Variants in LRRC7 observed in about 807,000 individuals in gnomAD.
The protein encoded by LRRC7 is leucine rich repeat containing 7, also known as leucine-rich repeat-containing protein 7.
In LRRC7, 23 loss-of-function variants were observed where a neutral mutation model predicts 175.7. The observed-to-expected ratio is 0.13, with a 90% CI of 0.09 to 0.19. The LOEUF (loss-of-function observed/expected upper bound fraction) is 0.19. LRRC7 is among the 10% of genes least tolerant of loss of function. LRRC7 has a pLI of 1.00. For missense variants in LRRC7, 1,354 were observed against 1,904.7 expected, an observed-to-expected ratio of 0.71 and a Z score of 5.38; for synonymous variants, 685 against 680.9, an observed-to-expected ratio of 1.01 and a Z score of -0.09.
intron 3 of LRRC7, among the ~76,000 whole-genome samples, chr1:69,790,057 G>A (rs944499586): frequency 1.5e-4 from 23 of 152,116 alleles, no homozygotes; most frequent in African/African-American, 4.1e-4. Flanking sequence ...ACTGCAGGGT[G>A]CATTCCAAAT....
intron 2 of LRRC7, among the ~76,000 whole-genome samples, chr1:69,745,257 A>G (rs1490061189): frequency 6.6e-6 from 1 of 151,990 alleles, no homozygotes; most frequent in Non-Finnish European, 1.5e-5. Flanking sequence ...AATCAAAGGC[A>G]TAACAAATAA....
chr1:70,124,790 G>T lies in LRRC7; in HGVS notation c.*2903G>T, dbSNP rs558193859. Among the ~76,000 whole-genome samples, 1 of 151,364 alleles carries T rather than the reference G, an allele frequency of 6.6e-6. No homozygotes were observed. The highest frequency in any genetic ancestry group is 1.5e-5 in the Non-Finnish European group (1 of 67,840). Reference sequence around the variant, plus strand: ...AAAGAAAAATCAATAACAACAAAAAGAACTGGAATTCATGATGGCTCCAGT... The same window carrying T: ...AAAGAAAAATCAATAACAACAAAAATAACTGGAATTCATGATGGCTCCAGT... On this transcript the variant is annotated 3_prime_UTR_variant, in exon 27 of 27. Transcript: ENST00000651989.
chr1:69,683,488 A>T (rs958428775), intron 2 of LRRC7, among the ~76,000 whole-genome samples: 5 of 152,016 alleles, frequency 3.3e-5, no homozygotes, highest in Admixed American at 2.0e-4. Context: ...GCCTCATCTC[A>T]TACTCTATTC....
chr1:69,746,186 T>A (rs1375051456), intron 2 of LRRC7, among the ~76,000 whole-genome samples: 1 of 152,030 alleles, frequency 6.6e-6, no homozygotes, highest in African/African-American at 2.4e-5. Context: ...TAAAGTGCTC[T>A]CTCTTTTCCA....
intron 2 of LRRC7, among the ~76,000 whole-genome samples, chr1:69,715,155 A>G (rs1665204291): frequency 1.3e-5 from 2 of 152,052 alleles, no homozygotes; most frequent in South Asian, 2.1e-4. Flanking sequence ...TTAAATTTTT[A>G]ATAGAACCAT....
intron 8 of LRRC7, among the ~76,000 whole-genome samples, chr1:69,946,803 C>T (rs530804474): frequency 8.5e-5 from 13 of 152,064 alleles, no homozygotes; most frequent in Admixed American, 6.5e-4. Flanking sequence ...GTAGGCCAGG[C>T]GCAGTGGCTC....
At chr1:69,819,441 T>TA (rs1678978787) in intron 4 of LRRC7, among the ~76,000 whole-genome samples, 1 of 152,140 alleles carries the variant, frequency 6.6e-6, no homozygotes, top group Admixed American at 6.6e-5. Flanking sequence ...TGATATTATT[T>TA]CAGTCTTTGT....
At chr1:70,012,028 G>C in intron 12 of LRRC7, 102 bp downstream of exon 12, 1 of 721,198 alleles carries the variant, frequency 1.4e-6, no homozygotes. Flanking sequence ...GAGTTGAGCT[G>C]TGAATATATA....
intron 1 of LRRC7, among the ~76,000 whole-genome samples, chr1:69,678,173 A>G (rs1257252341): frequency 6.6e-6 from 1 of 151,766 alleles, no homozygotes; most frequent in African/African-American, 2.4e-5. Context: ...GGTGTTTTTA[A>G]TTTTTTTTAA....
At chr1:69,693,962 A>G (rs1454567392) in intron 2 of LRRC7, among the ~76,000 whole-genome samples, 5 of 152,206 alleles carry the variant, frequency 3.3e-5, no homozygotes, top group Admixed American at 2.0e-4. Context: ...GAGGTTTCAC[A>G]TGAGAGATAT....
intron 2 of LRRC7, among the ~76,000 whole-genome samples, chr1:69,754,535 T>C (rs760738613): frequency 3.3e-5 from 5 of 152,022 alleles, no homozygotes; most frequent in Non-Finnish European, 7.4e-5. Flanking sequence ...GGTAGAACAG[T>C]AATTGCTAAC....
At chr1:70,048,356 G>A (rs1190567912) in intron 22 of LRRC7, among the ~76,000 whole-genome samples, 1 of 152,002 alleles carries the variant, frequency 6.6e-6, no homozygotes, top group Non-Finnish European at 1.5e-5. Context: ...TATAGATGAG[G>A]AAACTGAGGC....
chr1:69,684,181 A>G (rs1202789388), intron 2 of LRRC7, among the ~76,000 whole-genome samples: 2 of 152,136 alleles, frequency 1.3e-5, no homozygotes, highest in East Asian at 3.9e-4. Context: ...TATACTATCA[A>G]CTCTCTGAGC....
At chr1:69,596,028 T>G (rs1646830606) in intron 1 of LRRC7, among the ~76,000 whole-genome samples, 1 of 124,458 alleles carries the variant, frequency 8.0e-6, no homozygotes, top group Non-Finnish European at 1.9e-5. Context: ...AAGTGAATCT[T>G]TTATGCAATT....
At chr1:69,584,851 GA>G (rs1646343904) in intron 1 of LRRC7, among the ~76,000 whole-genome samples, 1 of 152,080 alleles carries the variant, frequency 6.6e-6, no homozygotes, top group Non-Finnish European at 1.5e-5. Flanking sequence ...TTTCAGACTA[GA>G]AAAGGCCTTG....
intron 1 of LRRC7, among the ~76,000 whole-genome samples, chr1:69,593,047 A>C (rs1216797542): frequency 6.6e-6 from 1 of 152,138 alleles, no homozygotes; most frequent in Non-Finnish European, 1.5e-5. Context: ...CTGGCCATGC[A>C]TCTCACTTCT....
chr1:70,066,857 T>C (rs1017740125), intron 23 of LRRC7, among the ~76,000 whole-genome samples: 1 of 152,072 alleles, frequency 6.6e-6, no homozygotes, highest in Non-Finnish European at 1.5e-5. Flanking sequence ...CAGCAATATG[T>C]GAGTAATTTA....
At chr1:69,652,730 C>A (rs1194140705) in intron 1 of LRRC7, among the ~76,000 whole-genome samples, 1 of 151,940 alleles carries the variant, frequency 6.6e-6, no homozygotes, top group Non-Finnish European at 1.5e-5. Flanking sequence ...AAAATAGAGG[C>A]TTCACATCGC....
intron 3 of LRRC7, among the ~76,000 whole-genome samples, chr1:69,780,935 G>A (rs543711974): frequency 1.3e-5 from 2 of 152,200 alleles, no homozygotes; most frequent in Admixed American, 1.3e-4. Flanking sequence ...TTTATCTTTT[G>A]AAAATTCGCA....
Sources: allele counts gnomAD v4.1 joint callset (sites outside exome capture counted in the v4.1 genomes callset), GRCh38; gene constraint gnomAD v4.1.1; transcripts MANE v1.5; gene names NCBI Gene and HGNC (gene_info 2026-07-23, HGNC 2026-07-21).